Variants in ZC3H3 observed in about 807,000 individuals in gnomAD.
ZC3H3 encodes zinc finger CCCH-type containing 3.
A neutral mutation model predicts 77.3 loss-of-function variants in ZC3H3; 36 were observed. That is an observed-to-expected ratio of 0.47 (90% CI 0.36 to 0.61). The LOEUF (loss-of-function observed/expected upper bound fraction) is 0.61. Among genes scored for constraint, ZC3H3 ranks in the 20% least tolerant of loss-of-function variants. The pLI, the probability that ZC3H3 is intolerant of heterozygous loss-of-function variation, is 0.00. For missense variants in ZC3H3, 1,331 were observed against 1,312.2 expected (o/e 1.01, Z -0.22); for synonymous variants, 626 against 555.2 (o/e 1.13, Z -1.79).
Position 143,533,442 on chromosome 8 carries a change from C to T in ZC3H3, c.1561+2815G>A, listed in dbSNP as rs950614557. ...TCAGAAGGCATTTTCCACCCAGGAG[C>T]ACCTTCCTGGCTGATGTACAAGCAC... On this transcript the variant is annotated intron_variant, in intron 3 of 11. Transcript: ENST00000262577. This position sits in a 1 kb window ranked among gnomAD's most constrained non-coding sequence, Gnocchi z 4.0. Among the ~76,000 whole-genome samples, 3 of 152,196 alleles carry T rather than the reference C, an allele frequency of 2.0e-5. No individual in the cohort carries two copies. Among genetic ancestry groups the T allele is most frequent in the African/African-American group, 4.8e-5 (2 of 41,444 alleles).
At chr8:143,468,344 G>T (rs200172384) in intron 7 of ZC3H3, 38 bp downstream of exon 7, 1 of 1,611,758 alleles carries the variant, frequency 6.2e-7, no homozygotes, top group Non-Finnish European at 8.5e-7. Flanking sequence ...GCCCTGCACA[G>T]AACCTCCCCC....
At chr8:143,485,733 T>C (rs538414973) in intron 4 of ZC3H3, among the ~76,000 whole-genome samples, 1 of 151,694 alleles carries the variant, frequency 6.6e-6, no homozygotes, top group South Asian at 2.1e-4. Context: ...GCGGAAAACA[T>C]CCACAACAAA....
rs74620106 is a variant in ZC3H3, at chr8:143,446,819, G to A, written c.2308-5699C>T. Among the ~76,000 whole-genome samples the A allele has an allele frequency of 6.3e-3, 966 of 152,368 alleles. 6 individuals are homozygous for A. The highest frequency in any genetic ancestry group is 0.022 in the African/African-American group (909 of 41,584). ...GCACTGAGGCACTGCTTCCCACAGG[G>A]GGCCCTCTGGGGCCTGGACTGGGGC... On this transcript the variant is annotated intron_variant, in intron 9 of 11. Transcript: ENST00000262577.
rs890051963 is a variant in ZC3H3 at position 143,533,851 on chromosome 8, T to C, written c.1561+2406A>G. On this transcript the variant is annotated intron_variant, in intron 3 of 11. Transcript: ENST00000262577. The surrounding 1 kb of genome is among the most constrained non-coding windows in gnomAD (Gnocchi z 4.0). ...CCACCACACCCAGCTAATTTTTGTA[T>C]TTTTAGTAGAGACGGGGTTTTGCCA... 1.3e-5 allele frequency among the ~76,000 whole-genome samples: 2 copies of C among 152,166 alleles called. No homozygotes were observed. The highest frequency in any genetic ancestry group is 4.8e-5 in the African/African-American group (2 of 41,456).
chr8:143,539,335 C>G lies in ZC3H3; in HGVS notation c.47-15G>C. On this transcript the variant is annotated splice_polypyrimidine_tract_variant and intron_variant, in intron 1 of 11. Coordinates refer to ENST00000262577, the MANE Select transcript of ZC3H3 (RefSeq NM_015117.3). The stretch of plus-strand genomic sequence containing the variant: ...ATCAATCAGACCTGAGAAGACAGAA[C>G]CACAGGCCCAGTTAGCCAGAGGGTA... 1 of 1,581,714 alleles carries G rather than the reference C, an allele frequency of 6.3e-7. No individual in the cohort carries two copies. The highest frequency in any genetic ancestry group is 8.6e-7 in the Non-Finnish European group (1 of 1,164,006).
At chr8:143,448,925 T>C (rs1370370145) in intron 9 of ZC3H3, among the ~76,000 whole-genome samples, 5 of 152,246 alleles carry the variant, frequency 3.3e-5, no homozygotes, top group Non-Finnish European at 2.9e-5. Flanking sequence ...TCTGAGTACC[T>C]GCAGGCTTAC....
At chr8:143,516,384 T>C (rs1822042695) in intron 3 of ZC3H3, among the ~76,000 whole-genome samples, 1 of 152,030 alleles carries the variant, frequency 6.6e-6, no homozygotes, top group Non-Finnish European at 1.5e-5. Flanking sequence ...TCGAACCCTC[T>C]GGCCCCACGC....
chr8:143,471,226 C>T lies in ZC3H3; in HGVS notation c.1904-2567G>A, dbSNP rs555751225. On this transcript the variant is annotated intron_variant, in intron 5 of 11. Transcript: ENST00000262577. The stretch of plus-strand genomic sequence containing the variant: ...GCGCCAAGCCCTGGTCTGCTCACAG[C>T]GCGCCCACCAGGCCCTCCAGGGCAC... Among the ~76,000 whole-genome samples, 9 of 152,362 alleles carry T rather than the reference C, an allele frequency of 5.9e-5. No individual in the cohort carries two copies. The South Asian group carries it at 6.2e-4, about 11-fold the overall frequency.
chr8:143,492,610 G>A (rs189371689), intron 4 of ZC3H3, among the ~76,000 whole-genome samples: 12 of 151,670 alleles, frequency 7.9e-5, no homozygotes, highest in Non-Finnish European at 1.0e-4. Flanking sequence ...GCCTCACCTC[G>A]CACCCACACC....
intron 3 of ZC3H3, among the ~76,000 whole-genome samples, chr8:143,515,826 A>G (rs1822021671): frequency 6.6e-6 from 1 of 152,182 alleles, no homozygotes; most frequent in African/African-American, 2.4e-5. Context: ...AGGGATGGAG[A>G]CTGGACACAC....
chr8:143,467,358 G>A (rs576549106), intron 8 of ZC3H3, among the ~76,000 whole-genome samples: 1 of 152,192 alleles, frequency 6.6e-6, no homozygotes, highest in African/African-American at 2.4e-5. Flanking sequence ...GCACTGGTGC[G>A]GGGCGTCCAC....
chr8:143,467,354 G>A lies in ZC3H3; in HGVS notation c.2175+855C>T, dbSNP rs141299726. Among the ~76,000 whole-genome samples, 801 of 152,320 alleles carry A rather than the reference G, an allele frequency of 5.3e-3. 6 individuals are homozygous for A. Among genetic ancestry groups the A allele is most frequent in the Admixed American group, 0.019 (285 of 15,310 alleles). Reference sequence around the variant, plus strand: ...ACAATAACATTAATTCAGGGCACTGGTGCGGGGCGTCCACATTAGACAGCT... The same window carrying A: ...ACAATAACATTAATTCAGGGCACTGATGCGGGGCGTCCACATTAGACAGCT... On this transcript the variant is annotated intron_variant, in intron 8 of 11. Transcript: ENST00000262577.
At chr8:143,540,064 C>A (rs919673214) in intron 1 of ZC3H3, among the ~76,000 whole-genome samples, 6 of 152,256 alleles carry the variant, frequency 3.9e-5, no homozygotes, top group Non-Finnish European at 8.8e-5. Context: ...CACGTCCAGA[C>A]GTGTTGACGC....
chr8:143,512,338 A>G (rs1036461356), intron 3 of ZC3H3, among the ~76,000 whole-genome samples: 3 of 152,134 alleles, frequency 2.0e-5, no homozygotes, highest in Non-Finnish European at 4.4e-5. Flanking sequence ...CTGGCACCTC[A>G]CCATCTCCAC....
intron 4 of ZC3H3, among the ~76,000 whole-genome samples, chr8:143,479,103 G>A (rs369265185): frequency 1.1e-4 from 16 of 152,362 alleles, no homozygotes; most frequent in Admixed American, 2.0e-4. Context: ...GCCTCATTCC[G>A]AGAAGCTGCA....
chr8:143,516,525 T>TCACACACACACACACACACA (rs57359541), intron 3 of ZC3H3, among the ~76,000 whole-genome samples: 16 of 140,024 alleles, frequency 1.1e-4, no homozygotes, highest in Non-Finnish European at 2.0e-4. Flanking sequence ...AACTTTGCAA[T>TCACACACACACACACACACA]CACACACACA....
At chr8:143,438,896 G>A (rs964266053) in intron 11 of ZC3H3, among the ~76,000 whole-genome samples, 1 of 152,198 alleles carries the variant, frequency 6.6e-6, no homozygotes, top group Non-Finnish European at 1.5e-5. Context: ...TGACCCGTCA[G>A]CCTGCCCCTG....
Position 143,437,687 on chromosome 8 carries a change from T to C in ZC3H3, c.*369A>G, listed in dbSNP as rs1256046192. The C allele has an allele frequency of 3.0e-6, 1 of 335,726 alleles. No individual in the cohort carries two copies. The highest frequency in any genetic ancestry group is 5.7e-6 in the Non-Finnish European group (1 of 174,274). 20.8% of individuals were successfully genotyped at this position (335,726 alleles called of 1,614,324 possible). ...CGGATAGAACCTTTATTGCTGAACA[T>C]AAAACACCTGCCTGGGAGGCCTGGC... On this transcript the variant is annotated 3_prime_UTR_variant, in exon 12 of 12. Transcript: ENST00000262577.
intron 4 of ZC3H3, among the ~76,000 whole-genome samples, chr8:143,503,846 A>C (rs1006077956): frequency 1.3e-5 from 2 of 152,156 alleles, no homozygotes; most frequent in Non-Finnish European, 2.9e-5. Flanking sequence ...GGTCCAGAGA[A>C]AGCCGCTGAC....
Sources: gnomAD v4.1 joint callset for allele counts (sites outside exome capture counted in the v4.1 genomes callset) on GRCh38, gnomAD v4.1.1 for gene constraint, Gnocchi (gnomAD v3.1) non-coding constraint, MANE v1.5 for transcripts, NCBI Gene and HGNC (gene_info 2026-07-23, HGNC 2026-07-21) for gene names.